The following STAT5A variants were observed in gnomAD, a reference collection of about 807,000 sequenced individuals.
STAT5A encodes the protein signal transducer and activator of transcription 5A.
A neutral mutation model predicts 100.2 loss-of-function variants in STAT5A; 26 were observed. The ratio of observed to expected loss-of-function variants is 0.26; its 90% CI spans 0.19 to 0.36. STAT5A has a LOEUF of 0.36. Ranked by LOEUF, STAT5A falls within the 10% of genes least tolerant of loss-of-function variation. The pLI, the probability that STAT5A is intolerant of heterozygous loss-of-function variation, is 1.00. For missense variants in STAT5A, 634 were observed against 1,027.5 expected (o/e 0.62, Z 5.24); for synonymous variants, 330 against 424.3 (o/e 0.78, Z 2.73).
intron 18 of STAT5A, among the ~76,000 whole-genome samples, chr17:42,309,951 T>C (rs548229488): frequency 2.0e-4 from 30 of 152,238 alleles, no homozygotes; most frequent in Non-Finnish European, 4.0e-4. Flanking sequence ...GGTACCACCT[T>C]CCAGTGGGAC....
At chr17:42,301,910 T>C (rs535169232) in intron 9 of STAT5A, among the ~76,000 whole-genome samples, 1 of 152,338 alleles carries the variant, frequency 6.6e-6, no homozygotes, top group East Asian at 1.9e-4. Context: ...GGCTTACCCC[T>C]GTAATCCCAG....
intron 18 of STAT5A, among the ~76,000 whole-genome samples, 193 bp from the exon 19 acceptor site, chr17:42,310,314 G>A (rs569358327): frequency 3.3e-5 from 5 of 152,352 alleles, no homozygotes; most frequent in East Asian, 3.9e-4. Flanking sequence ...CAAGAGATGC[G>A]AATAGAGTGG....
At position 42,300,595 on chromosome 17, in the gene STAT5A, T is replaced by C. The variant is rs1004731185; in HGVS notation, c.834-120T>C. The C allele has an allele frequency of 2.9e-5, 25 of 867,980 alleles. No homozygotes were observed. In the South Asian group the frequency reaches 3.8e-4, roughly 13 times the overall value. 53.8% of individuals were successfully genotyped at this position (867,980 alleles called of 1,614,324 possible). A position where few individuals can be genotyped will look rare whatever the true frequency, so the allele number is the denominator to read the frequency against. Reference sequence around the variant, plus strand: ...GAGGCAGGGAGCTCTGCTCTTCCCATGGGTGGGAAGTGTGGCGAAAGCACA... The same window carrying C: ...GAGGCAGGGAGCTCTGCTCTTCCCACGGGTGGGAAGTGTGGCGAAAGCACA... On this transcript the variant is annotated intron_variant, in intron 7 of 18. Transcript: ENST00000590949.
At chr17:42,288,426 G>C (rs2080834022), upstream of STAT5A, 1 of 152,474 alleles carries the variant, frequency 6.6e-6, no homozygotes. The surrounding 1 kb of genome is among the most constrained non-coding windows in gnomAD (Gnocchi z 4.8). Flanking sequence ...GCGCGGGCTC[G>C]CGCGCTGTGT....
intron 18 of STAT5A, chr17:42,309,757 C>T (rs960918387): frequency 2.6e-6 from 1 of 382,138 alleles, no homozygotes; most frequent in African/African-American, 2.0e-5. Context: ...GAATGCTTGC[C>T]TCATGAGAAT....
Position 42,292,062 on chromosome 17 carries a change from G to A in STAT5A, c.375+1G>A. On this transcript the variant is annotated splice_donor_variant, in intron 4 of 18. Transcript: ENST00000590949. LOFTEE classifies it high-confidence loss of function. ...GAGGCTGGTCCGAGAAGCCAACAAT[G>A]TGAGTGTCCCTTGGGGATGGGGAGG... 1 of 1,613,898 alleles carries A rather than the reference G, an allele frequency of 6.2e-7. No homozygotes were observed. The highest frequency in any genetic ancestry group is 8.5e-7 in the Non-Finnish European group (1 of 1,179,832).
chr17:42,304,677 C>G lies in STAT5A; in HGVS notation c.1380+25C>G, dbSNP rs757428787. The G allele has an allele frequency of 1.9e-6, 3 of 1,612,988 alleles. No homozygotes were observed. The highest frequency in any genetic ancestry group is 2.5e-6 in the Non-Finnish European group (3 of 1,179,376). ...GGTGAGACCCCCAGCCCTCCTGCCC[C>G]CACTGCTCCAGGTCACCCAAGAGGT... On this transcript the variant is annotated intron_variant, in intron 11 of 18. Transcript: ENST00000590949. The surrounding 1 kb of genome is among the most constrained non-coding windows in gnomAD (Gnocchi z 4.8).
Position 42,310,884 on chromosome 17 carries a change from C to A in STAT5A, c.*215C>A. ...GCGGTGGCCTCTTTTCAGATCATGG[C>A]ATCCAAGAGTGCGCCGAGTCTGTCT... On this transcript the variant is annotated 3_prime_UTR_variant, in exon 19 of 19. Coordinates refer to ENST00000590949, the MANE Select transcript of STAT5A (RefSeq NM_001288718.2). 1.3e-6 allele frequency: 1 copy of A among 756,172 alleles called. No homozygotes were observed. The highest frequency in any genetic ancestry group is 2.1e-6 in the Non-Finnish European group (1 of 483,068). 46.8% of individuals were successfully genotyped at this position (756,172 alleles called of 1,614,324 possible). A position where few individuals can be genotyped will look rare whatever the true frequency, so the allele number is the denominator to read the frequency against.
In STAT5A at chr17:42,291,971, G is replaced by A; in HGVS notation, c.286-1G>A. 6.2e-7 allele frequency: 1 copy of A among 1,613,730 alleles called. No individual in the cohort carries two copies. The highest frequency in any genetic ancestry group is 8.5e-7 in the Non-Finnish European group (1 of 1,179,762). The stretch of plus-strand genomic sequence containing the variant: ...TGGAGGCTACTGTTGGATTCTTTCA[G>A]AAAACATATGACCGCTGCCCCCTGG... On this transcript the variant is annotated splice_acceptor_variant, in intron 3 of 18. Coordinates refer to ENST00000590949, the MANE Select transcript of STAT5A (RefSeq NM_001288718.2). LOFTEE classifies it high-confidence loss of function.
chr17:42,299,598 C>G (rs765138348), intron 5 of STAT5A, among the ~76,000 whole-genome samples, 153 bp from the exon 6 acceptor site: 22 of 152,238 alleles, frequency 1.4e-4, no homozygotes, highest in Non-Finnish European at 2.5e-4. Flanking sequence ...CGCCATTCAT[C>G]TTGGCCCCCC....
At chr17:42,301,512 C>A in intron 9 of STAT5A, 58 bp downstream of exon 9, 1 of 1,597,578 alleles carries the variant, frequency 6.3e-7, no homozygotes, top group South Asian at 1.1e-5. Context: ...CTGCACCCCC[C>A]GCTTTGTCCT....
rs199513662 is a variant in STAT5A at position 42,290,013 on chromosome 17, G to T, written c.276G>T (p.Thr92=). 6.2e-7 allele frequency: 1 copy of T among 1,612,226 alleles called. No individual in the cohort carries two copies. Residue 92 remains threonine, a synonymous_variant, in exon 3 of 19, where the codon ACG becomes ACT. Coordinates refer to ENST00000590949, the MANE Select transcript of STAT5A (RefSeq NM_001288718.2). ...LLKIKLGHYA[T]QLQKTYDRCP... is the part of the protein sequence containing the mutation. ...AGATCAAGCTGGGGCACTACGCCAC[G>T]CAGCTCCAGGTGGGTGTAGGCTCTG...
Position 42,304,225 on chromosome 17 carries a change from C to T in STAT5A, c.1170-117C>T, listed in dbSNP as rs1418886856. On this transcript the variant is annotated intron_variant, in intron 9 of 18. Transcript: ENST00000590949. This position sits in a 1 kb window ranked among gnomAD's most constrained non-coding sequence, Gnocchi z 4.8. ...CGCCAAGAAACACTCTTAGGGGATA[C>T]GGGGCAGGGGCTGCTGGCAGGGCTG... 1.5e-5 allele frequency: 14 copies of T among 911,314 alleles called. No homozygotes were observed. The highest frequency in any genetic ancestry group is 3.0e-5 in the South Asian group (2 of 67,206). 56.5% of individuals were successfully genotyped at this position (911,314 alleles called of 1,614,324 possible).
chr17:42,306,186 T>G, intron 12 of STAT5A, 55 bp from the exon 13 acceptor site: 6 of 1,613,356 alleles, frequency 3.7e-6, no homozygotes. Flanking sequence ...TGTGTGTGTG[T>G]GAATATTTCC....
intron 5 of STAT5A, among the ~76,000 whole-genome samples, chr17:42,299,156 C>T (rs936468871): frequency 9.2e-5 from 14 of 152,130 alleles, no homozygotes; most frequent in Non-Finnish European, 1.3e-4. Flanking sequence ...GGGATGGGGC[C>T]GAGCAGCTGC....
At position 42,300,688 on chromosome 17, in the gene STAT5A, C is replaced by T. The variant is rs1291994165; in HGVS notation, c.834-27C>T. ...GTCTGTGAGGAGAAGCCATTGTCCT[C>T]CTGTTGGCCTTGGGGCTCTCGTGCA... On this transcript the variant is annotated intron_variant, in intron 7 of 18. Transcript: ENST00000590949. 2.5e-6 allele frequency: 4 copies of T among 1,613,662 alleles called. No homozygotes were observed. The African/African-American group carries it at 5.3e-5, about 22-fold the overall frequency.
In STAT5A at chr17:42,308,380, C is replaced by G. The variant is rs2081049627; in HGVS notation, c.2062+47C>G. 1 of 1,612,914 alleles carries G rather than the reference C, an allele frequency of 6.2e-7. No individual in the cohort carries two copies. Among genetic ancestry groups the G allele is most frequent in the Non-Finnish European group, 8.5e-7 (1 of 1,179,628 alleles). Reference sequence around the variant, plus strand: ...TGCCGGCTGACTCCCCCGGGCTCTTCCCCAGCCCATAGACAAAGCCTTGGG... The same window carrying G: ...TGCCGGCTGACTCCCCCGGGCTCTTGCCCAGCCCATAGACAAAGCCTTGGG... On this transcript the variant is annotated intron_variant, in intron 16 of 18. Coordinates refer to ENST00000590949, the MANE Select transcript of STAT5A (RefSeq NM_001288718.2). This position sits in a 1 kb window ranked among gnomAD's most constrained non-coding sequence, Gnocchi z 4.6.
chr17:42,296,434 C>T (rs1303379049), intron 5 of STAT5A, among the ~76,000 whole-genome samples: 4 of 152,180 alleles, frequency 2.6e-5, no homozygotes, highest in Admixed American at 2.6e-4. Context: ...TTGAAAGGAA[C>T]TATCCCCAGG....
At position 42,308,629 on chromosome 17, in the gene STAT5A, G is replaced by GC; in HGVS notation, c.2062+299dup. On this transcript the variant is annotated intron_variant, in intron 16 of 18. Transcript: ENST00000590949. The surrounding 1 kb of genome is among the most constrained non-coding windows in gnomAD (Gnocchi z 4.6). Reference sequence around the variant, plus strand: ...GTAGGGAGTGGCCGGGATCATTCGAGCCCACAGATAGTGCTCCGCTCCCCA... The same window carrying GC: ...GTAGGGAGTGGCCGGGATCATTCGAGCCCCACAGATAGTGCTCCGCTCCCCA... The GC allele has an allele frequency of 2.0e-6, 1 of 509,124 alleles. No homozygotes were observed. Among genetic ancestry groups the GC allele is most frequent in the Non-Finnish European group, 3.5e-6 (1 of 282,336 alleles). 31.5% of individuals were successfully genotyped at this position (509,124 alleles called of 1,614,324 possible).
Sources: allele counts gnomAD v4.1 joint callset (sites outside exome capture counted in the v4.1 genomes callset), GRCh38; gene constraint gnomAD v4.1.1; non-coding constraint Gnocchi (gnomAD v3.1); transcripts MANE v1.5; gene names NCBI Gene and HGNC (gene_info 2026-07-23, HGNC 2026-07-21).